The following ZFP42 variants were observed in gnomAD, a reference collection of about 807,000 sequenced individuals.
ZFP42 encodes ZFP42 zinc finger protein.
For synonymous variants in ZFP42, 175 were observed against 144.6 expected (o/e 1.21, Z -1.51); for missense variants, 438 against 377.1 (o/e 1.16, Z -1.34).
At position 188,003,650 on chromosome 4, in the gene ZFP42, C is replaced by A; in HGVS notation, c.843C>A (p.Gly281=). ...GEKRFVCPFQ[G]CNRRFIQSNN... ...AACGTTTCGTGTGTCCCTTTCAAGGCTGCAACAGGAGGTTTATTCAGTCAA... is the reference window on the plus strand; with the variant it reads ...AACGTTTCGTGTGTCCCTTTCAAGGATGCAACAGGAGGTTTATTCAGTCAA... The change falls in exon 4 of 4, where the codon GGC becomes GGA. Residue 281 remains glycine, a synonymous_variant. Coordinates refer to ENST00000326866, the MANE Select transcript of ZFP42 (RefSeq NM_174900.5). 1.2e-6 allele frequency: 2 copies of A among 1,613,702 alleles called. No homozygotes were observed. The highest frequency in any genetic ancestry group is 1.7e-6 in the Non-Finnish European group (2 of 1,180,038).
At chr4:187,999,039 G>C (rs1010006539) in intron 1 of ZFP42, 69 bp from the exon 2 acceptor site, 1 of 152,148 alleles carries the variant, frequency 6.6e-6, no homozygotes. Context: ...GACCATACTT[G>C]AACCTTAGTA....
intron 1 of ZFP42, among the ~76,000 whole-genome samples, chr4:187,997,228 C>CTTTTTTTTTTTTT (rs71595201): frequency 0.022 from 1,333 of 59,990 alleles, 272 homozygotes; most frequent in African/African-American, 0.033. Flanking sequence ...CTCTCATATT[C>CTTTTTTTTTTTTT]TTTTTTTTTT....
chr4:187,997,300 C>T (rs1172508828), intron 1 of ZFP42, among the ~76,000 whole-genome samples: 1 of 130,760 alleles, frequency 7.6e-6, no homozygotes, highest in Non-Finnish European at 1.6e-5. Context: ...GTGGCACGAT[C>T]TCGGCTCACT....
intron 1 of ZFP42, among the ~76,000 whole-genome samples, chr4:187,998,241 C>G (rs920822391): frequency 6.6e-6 from 1 of 151,852 alleles, no homozygotes; most frequent in Non-Finnish European, 1.5e-5. Flanking sequence ...GAGGCTGACG[C>G]GGGAGAATCG....
chr4:188,003,958 T>C lies in ZFP42; in HGVS notation c.*218T>C. 1 of 487,038 alleles carries C rather than the reference T, an allele frequency of 2.1e-6. No individual in the cohort carries two copies. Among genetic ancestry groups the C allele is most frequent in the Non-Finnish European group, 3.7e-6 (1 of 271,462 alleles). The allele number at this position is 487,038 out of a possible 1,614,324, so 30.2% of individuals were successfully genotyped here. A position where few individuals can be genotyped will look rare whatever the true frequency, so the allele number is the denominator to read the frequency against. ...TTGTTTTATTTAGAACTTTTTTTATTTGTTTTATTTAGAACTTTGTGTGTT... is the reference window on the plus strand; with the variant it reads ...TTGTTTTATTTAGAACTTTTTTTATCTGTTTTATTTAGAACTTTGTGTGTT... On this transcript the variant is annotated 3_prime_UTR_variant, in exon 4 of 4. Coordinates refer to ENST00000326866, the MANE Select transcript of ZFP42 (RefSeq NM_174900.5).
rs1470384671 is a variant in ZFP42 at position 188,002,866 on chromosome 4, G to A, written c.59G>A (p.Arg20Lys). The part of the protein sequence containing the change: ...KTRHQKGLGG[R>K]APSGAKPRQG... ...AGACACCAGAAAGGCCTGGGTGGAAGAGCCCCCAGTGGGGCTAAGCCCAGG... is the reference window on the plus strand; with the variant it reads ...AGACACCAGAAAGGCCTGGGTGGAAAAGCCCCCAGTGGGGCTAAGCCCAGG... The change falls in exon 4 of 4, where the codon AGA becomes AAA. Residue 20 changes from arginine to lysine, a missense_variant. By Grantham distance (26) the Arg-to-Lys change is conservative. Coordinates refer to ENST00000326866, the MANE Select transcript of ZFP42 (RefSeq NM_174900.5). 4 of 1,614,200 alleles carry A rather than the reference G, an allele frequency of 2.5e-6. No homozygotes were observed. The highest frequency in any genetic ancestry group is 2.2e-5 in the East Asian group (1 of 44,858).
At chr4:188,000,708 G>A (rs1368064464) in intron 3 of ZFP42, among the ~76,000 whole-genome samples, 1 of 152,158 alleles carries the variant, frequency 6.6e-6, no homozygotes, top group Non-Finnish European at 1.5e-5. Flanking sequence ...CAGGCCTGGC[G>A]CAGTGGCTCA....
At chr4:187,997,007 G>GGAGCATGGAGCATGGAGCA (rs1733607814) in intron 1 of ZFP42, among the ~76,000 whole-genome samples, 4 of 18,042 alleles carry the variant, frequency 2.2e-4, no homozygotes, top group African/African-American at 7.0e-4. Flanking sequence ...AGCATGGAGC[G>GGAGCATGGAGCATGGAGCA]TGGAGCGTGG....
chr4:187,996,453 G>A, intron 1 of ZFP42, among the ~76,000 whole-genome samples: 1 of 152,112 alleles, frequency 6.6e-6, no homozygotes, highest in Non-Finnish European at 1.5e-5. Flanking sequence ...TGAGATTACA[G>A]GCGCCCTTCA....
intron 3 of ZFP42, 126 bp from the exon 4 acceptor site, chr4:188,002,587 C>A: frequency 3.6e-6 from 2 of 560,400 alleles, no homozygotes; most frequent in East Asian, 5.9e-5. Flanking sequence ...AGAGCTCATT[C>A]TTGGTCTCTT....
intron 1 of ZFP42, among the ~76,000 whole-genome samples, chr4:187,996,395 C>T (rs1733565744): frequency 6.6e-6 from 1 of 152,110 alleles, no homozygotes; most frequent in Non-Finnish European, 1.5e-5. Flanking sequence ...ACTGCAACCT[C>T]CGTCTCCCGG....
At position 188,004,009 on chromosome 4, in the gene ZFP42, G is replaced by T. The variant is rs557565959; in HGVS notation, c.*269G>T. The stretch of plus-strand genomic sequence containing the variant: ...CTTAAAGTGTGCTTCCAACAGGAAG[G>T]TCAGTGATAAATTTTCAAAAGCATA... On this transcript the variant is annotated 3_prime_UTR_variant, in exon 4 of 4. Transcript: ENST00000326866. The T allele has an allele frequency of 4.0e-4, 131 of 324,284 alleles. No homozygotes were observed. The highest frequency in any genetic ancestry group is 2.7e-3 in the African/African-American group (122 of 45,062). 20.1% of individuals were successfully genotyped at this position (324,284 alleles called of 1,614,324 possible).
In ZFP42 at chr4:188,004,122, T is replaced by C. The variant is rs749790267; in HGVS notation, c.*382T>C. On this transcript the variant is annotated 3_prime_UTR_variant, in exon 4 of 4. Transcript: ENST00000326866. ...TGAAAATAACTTTGATTTTTAATTGTGTAGTTTCCATTTCTTAGCTTTTGC... is the reference window on the plus strand; with the variant it reads ...TGAAAATAACTTTGATTTTTAATTGCGTAGTTTCCATTTCTTAGCTTTTGC... The C allele has an allele frequency of 5.7e-6, 1 of 176,392 alleles. No homozygotes were observed. The highest frequency in any genetic ancestry group is 1.4e-5 in the Non-Finnish European group (1 of 73,786). 10.9% of individuals were successfully genotyped at this position (176,392 alleles called of 1,614,324 possible).
chr4:187,997,111 C>T (rs1404769402), intron 1 of ZFP42, among the ~76,000 whole-genome samples: 1 of 152,038 alleles, frequency 6.6e-6, no homozygotes, highest in Non-Finnish European at 1.5e-5. Flanking sequence ...TCGTCTCTTC[C>T]CACCCCCGTG....
In ZFP42 at chr4:188,003,186, G is replaced by C. The variant is rs1467203127; in HGVS notation, c.379G>C (p.Val127Leu). The change falls in exon 4 of 4, where the codon GTA becomes CTA. Residue 127 changes from valine to leucine, a missense_variant. Coordinates refer to ENST00000326866, the MANE Select transcript of ZFP42 (RefSeq NM_174900.5). ...ECSLEYMKKG[V>L]KKELPQKIVG... ...TTCTTTGGAATACATGAAAAAAGGG[G>C]TAAAGAAAGAGCTTCCACAAAAGAT... 1 of 1,613,900 alleles carries C rather than the reference G, an allele frequency of 6.2e-7. No individual in the cohort carries two copies.
In ZFP42 at chr4:188,003,176, GA is replaced by G. The variant is rs141008020; in HGVS notation, c.375del (p.Val127Ter). 6.2e-7 allele frequency: 1 copy of G among 1,613,080 alleles called. No homozygotes were observed. The highest frequency in any genetic ancestry group is 8.5e-7 in the Non-Finnish European group (1 of 1,179,766). On this transcript the variant is annotated frameshift_variant, in exon 4 of 4. Coordinates refer to ENST00000326866, the MANE Select transcript of ZFP42 (RefSeq NM_174900.5). LOFTEE classifies it low-confidence loss of function (END_TRUNC). Reference sequence around the variant, plus strand: ...CCCTTGAATGTTCTTTGGAATACATGAAAAAAGGGGTAAAGAAAGAGCTTCC... The same window carrying G: ...CCCTTGAATGTTCTTTGGAATACATGAAAAAGGGGTAAAGAAAGAGCTTCC... Reference protein sequence around the residue: ...SSLECSLEYMKKGVKKELPQK... With the variant: ...SSLECSLEYMXKGVKKELPQK...
In ZFP42 at chr4:188,003,608, C is replaced by G; in HGVS notation, c.801C>G (p.Arg267=). The change falls in exon 4 of 4, where the codon CGC becomes CGG. Residue 267 remains arginine (R), a synonymous_variant. Coordinates refer to ENST00000326866, the MANE Select transcript of ZFP42 (RefSeq NM_174900.5). The part of the protein sequence containing the change: ...SLDFNLRTHV[R]IHTGEKRFVC... ...ACTTTAATTTGCGTACGCACGTGCGCATCCACACGGGGGAGAAACGTTTCG... is the reference window on the plus strand; with the variant it reads ...ACTTTAATTTGCGTACGCACGTGCGGATCCACACGGGGGAGAAACGTTTCG... The G allele has an allele frequency of 6.2e-7, 1 of 1,613,476 alleles. No individual in the cohort carries two copies. The highest frequency in any genetic ancestry group is 8.5e-7 in the Non-Finnish European group (1 of 1,180,042).
intron 1 of ZFP42, among the ~76,000 whole-genome samples, chr4:187,996,842 TA>T (rs1320980226): frequency 2.0e-5 from 3 of 152,102 alleles, no homozygotes; most frequent in Non-Finnish European, 2.9e-5. Context: ...TCTTCTAACC[TA>T]AAAAAACTTG....
rs373543593 is a variant in ZFP42 at position 188,003,500 on chromosome 4, A to G, written c.693A>G (p.Lys231=). ...GGAAAGCGTTCGTTGAGAGCTCAAA[A>G]CTAAAGAGACATTTCCTGGTTCATA... The part of the protein sequence containing the change: ...ECGKAFVESS[K]LKRHFLVHTG... The change falls in exon 4 of 4, where the codon AAA becomes AAG. Residue 231 remains lysine, a synonymous_variant. Transcript: ENST00000326866. 4.3e-6 allele frequency: 7 copies of G among 1,613,632 alleles called. No homozygotes were observed. Among genetic ancestry groups the G allele is most frequent in the African/African-American group, 1.3e-5 (1 of 74,916 alleles).
Sources: gnomAD v4.1 joint callset for allele counts (sites outside exome capture counted in the v4.1 genomes callset) on GRCh38, gnomAD v4.1.1 for gene constraint, MANE v1.5 for transcripts, NCBI Gene and HGNC (gene_info 2026-07-23, HGNC 2026-07-21) for gene names.